Variants in EIPR1 observed in about 807,000 individuals in gnomAD.
EIPR1 encodes EARP complex and GARP complex interacting protein 1, also known as EARP and GARP complex-interacting protein 1.
Under a neutral mutation model 48.1 loss-of-function variants are expected in EIPR1, and 25 were observed. That is an observed-to-expected ratio of 0.52 (90% CI 0.38 to 0.73). The LOEUF is 0.73. EIPR1 is among the 30% of genes least tolerant of loss of function. EIPR1 has a pLI of 0.00. For synonymous variants in EIPR1, 204 were observed against 201.9 expected (o/e 1.01, Z -0.09); for missense variants, 415 against 506.2 (o/e 0.82, Z 1.73).
At chr2:3,342,557 G>A (rs1274047102) in intron 2 of EIPR1, among the ~76,000 whole-genome samples, 1 of 152,238 alleles carries the variant, frequency 6.6e-6, no homozygotes, top group East Asian at 1.9e-4. Context: ...GGTCTCAGCA[G>A]ACCCTCTCTC....
intron 6 of EIPR1, among the ~76,000 whole-genome samples, chr2:3,196,097 C>G (rs1446566451): frequency 6.6e-6 from 1 of 152,184 alleles, no homozygotes; most frequent in Non-Finnish European, 1.5e-5. Flanking sequence ...ATTAGGAAAC[C>G]AAACAAGCCC....
intron 3 of EIPR1, among the ~76,000 whole-genome samples, chr2:3,323,446 T>C (rs546654227): frequency 4.6e-5 from 7 of 152,168 alleles, no homozygotes; most frequent in Non-Finnish European, 1.0e-4. Context: ...CCTTCACTGA[T>C]GAGGGTAAAG....
chr2:3,287,213 C>A (rs1272777788), intron 3 of EIPR1, among the ~76,000 whole-genome samples: 1 of 71,434 alleles, frequency 1.4e-5, no homozygotes, highest in Admixed American at 1.2e-4. Context: ...CACCACGCTC[C>A]AGAAAGCTCG....
At chr2:3,345,506 T>G (rs926119512) in intron 2 of EIPR1, among the ~76,000 whole-genome samples, 2 of 151,766 alleles carry the variant, frequency 1.3e-5, no homozygotes, top group Non-Finnish European at 2.9e-5. Context: ...ACGCCTGTGA[T>G]CCCCGCTATT....
intron 4 of EIPR1, among the ~76,000 whole-genome samples, chr2:3,240,575 GC>G (rs2103185428): frequency 6.7e-6 from 1 of 149,824 alleles, no homozygotes; most frequent in Admixed American, 6.6e-5. Context: ...CTAAAGCAAA[GC>G]CAGCAGACCC....
At chr2:3,373,003 C>T (rs1659738201) in intron 1 of EIPR1, among the ~76,000 whole-genome samples, 1 of 152,292 alleles carries the variant, frequency 6.6e-6, no homozygotes, top group Admixed American at 6.5e-5. Flanking sequence ...CAAACTGAAT[C>T]CAGCAGCACA....
chr2:3,307,403 G>A (rs949471667), intron 3 of EIPR1, among the ~76,000 whole-genome samples: 15 of 152,202 alleles, frequency 9.9e-5, no homozygotes, highest in African/African-American at 3.6e-4. Context: ...ATTGGGGTGG[G>A]TGCCTCCCTT....
intron 3 of EIPR1, among the ~76,000 whole-genome samples, chr2:3,324,540 A>T (rs1422461190): frequency 3.3e-5 from 5 of 152,194 alleles, no homozygotes. Flanking sequence ...TTCTCCCATG[A>T]TGCTAACTCA....
At chr2:3,244,644 A>G (rs1057418099) in intron 4 of EIPR1, among the ~76,000 whole-genome samples, 1 of 152,124 alleles carries the variant, frequency 6.6e-6, no homozygotes, top group African/African-American at 2.4e-5. Context: ...GACACAGCAA[A>G]AAGGAGCCAT....
intron 4 of EIPR1, among the ~76,000 whole-genome samples, chr2:3,254,899 C>A (rs1667106763): frequency 1.3e-5 from 2 of 152,296 alleles, no homozygotes; most frequent in East Asian, 3.9e-4. Flanking sequence ...GTATCAATGC[C>A]AGTTTCCTGT....
At chr2:3,352,955 C>T (rs1670623378) in intron 2 of EIPR1, among the ~76,000 whole-genome samples, 3 of 152,202 alleles carry the variant, frequency 2.0e-5, no homozygotes, top group Non-Finnish European at 1.5e-5. Context: ...TGAGATCGTG[C>T]CATTGCACTC....
chr2:3,358,520 T>G (rs1332163844), intron 1 of EIPR1, among the ~76,000 whole-genome samples: 2 of 152,208 alleles, frequency 1.3e-5, no homozygotes, highest in Non-Finnish European at 2.9e-5. Context: ...TCAAGATACA[T>G]TTAAGGGTCC....
At chr2:3,322,572 C>T (rs1669567878) in intron 3 of EIPR1, among the ~76,000 whole-genome samples, 1 of 152,166 alleles carries the variant, frequency 6.6e-6, no homozygotes, top group South Asian at 2.1e-4. Flanking sequence ...TCCTAAGTTG[C>T]AATCCTGTGG....
intron 1 of EIPR1, among the ~76,000 whole-genome samples, chr2:3,372,621 A>G (rs1305008872): frequency 4.6e-5 from 7 of 152,238 alleles, no homozygotes; most frequent in Non-Finnish European, 8.8e-5. Flanking sequence ...AATAAACTAG[A>G]AAATCTAGAA....
intron 3 of EIPR1, among the ~76,000 whole-genome samples, chr2:3,266,149 C>T (rs1419400361): frequency 6.6e-6 from 1 of 152,184 alleles, no homozygotes. Flanking sequence ...AGATCAGAGC[C>T]TTTGTGAGCA....
At chr2:3,251,440 C>T (rs1326894856) in intron 4 of EIPR1, among the ~76,000 whole-genome samples, 9 of 152,186 alleles carry the variant, frequency 5.9e-5, no homozygotes, top group East Asian at 3.8e-4. Flanking sequence ...ATCTAATAAA[C>T]GTAGAACTGG....
chr2:3,194,367 G>A (rs1455979134), intron 6 of EIPR1: 7 of 556,728 alleles, frequency 1.3e-5, no homozygotes, highest in African/African-American at 3.8e-5. Flanking sequence ...GTCGCACCAC[G>A]CTCATCTCTC....
chr2:3,209,886 T>C (rs1243988169), intron 5 of EIPR1, among the ~76,000 whole-genome samples: 1 of 152,100 alleles, frequency 6.6e-6, no homozygotes, highest in East Asian at 1.9e-4. Flanking sequence ...GAGGAAAGAA[T>C]CATCGTTGGG....
chr2:3,309,924 C>T (rs1274844642), intron 3 of EIPR1, among the ~76,000 whole-genome samples: 1 of 152,048 alleles, frequency 6.6e-6, no homozygotes, highest in Non-Finnish European at 1.5e-5. Context: ...TGGCAGCGCC[C>T]CTGTGTACGC....
Sources: allele counts gnomAD v4.1 joint callset (sites outside exome capture counted in the v4.1 genomes callset), GRCh38; gene constraint gnomAD v4.1.1; transcripts MANE v1.5; gene names NCBI Gene and HGNC (gene_info 2026-07-23, HGNC 2026-07-21).